The following ITFG2 variants were observed in gnomAD, a reference collection of about 807,000 sequenced individuals.
The protein encoded by ITFG2 is integrin alpha FG-GAP repeat containing 2.
Under a neutral mutation model 54.4 loss-of-function variants are expected in ITFG2, and 36 were observed. The observed-to-expected ratio is 0.66, with a 90% CI of 0.51 to 0.87. The LOEUF (loss-of-function observed/expected upper bound fraction) is 0.87. Ranked by LOEUF, ITFG2 falls within the 40% of genes least tolerant of loss-of-function variation. ITFG2 has a pLI of 0.00. For synonymous variants in ITFG2, 211 were observed against 225.4 expected, an observed-to-expected ratio of 0.94 and a Z score of 0.57; for missense variants, 524 against 576.7, an observed-to-expected ratio of 0.91 and a Z score of 0.94.
intron 1 of ITFG2, among the ~76,000 whole-genome samples, chr12:2,837,431 T>C (rs1407717791): frequency 6.6e-6 from 1 of 151,194 alleles, no homozygotes; most frequent in African/African-American, 2.4e-5. Context: ...TGAGCCGAGA[T>C]CACGCCACTG....
intron 2 of ITFG2, chr12:2,855,076 T>C: frequency 1.3e-6 from 2 of 1,535,816 alleles, no homozygotes; most frequent in Non-Finnish European, 1.7e-6. Context: ...CAGGAAGCTG[T>C]TTTGCCCCAT....
At chr12:2,820,299 G>A (rs945357390) in intron 5 of ITFG2, 74 bp downstream of exon 5, 16 of 1,477,276 alleles carry the variant, frequency 1.1e-5, no homozygotes, top group Non-Finnish European at 1.4e-5. Flanking sequence ...TAGTGGGAGA[G>A]CAGTCATGGG....
intron 2 of ITFG2, chr12:2,849,467 T>C (rs766999224): frequency 2.0e-6 from 3 of 1,536,158 alleles, no homozygotes; most frequent in South Asian, 2.4e-5. Flanking sequence ...GGAAACGGGT[T>C]GGGCATGAGC....
At chr12:2,857,437 AAAGGTCCC>A in intron 2 of ITFG2, 1 of 245,436 alleles carries the variant, frequency 4.1e-6, no homozygotes, top group Non-Finnish European at 8.2e-6. Context: ...CAGCAGGTCC[AAAGGTCCC>A]AAGGAACAAG....
chr12:2,830,956 C>A (rs559381599), downstream of ITFG2: 31 of 1,358,634 alleles, frequency 2.3e-5, no homozygotes, highest in Non-Finnish European at 2.8e-5. Context: ...ATGCTCCCCC[C>A]ACCCCCCCAG....
chr12:2,812,922 G>GA, intron 1 of ITFG2, 66 bp downstream of exon 1: 3 of 1,361,482 alleles, frequency 2.2e-6, no homozygotes, highest in African/African-American at 1.4e-5. Context: ...GGAAGTGGAA[G>GA]AGGCCGCCCG....
At chr12:2,817,844 T>C in intron 2 of ITFG2, 65 bp from the exon 3 acceptor site, 1 of 1,498,976 alleles carries the variant, frequency 6.7e-7, no homozygotes, top group African/African-American at 1.4e-5. Context: ...TCCTCCTGCT[T>C]CACAGAGATC....
downstream of ITFG2, chr12:2,827,174 G>C (rs144356765): frequency 2.0e-4 from 326 of 1,613,808 alleles, 4 homozygotes; most frequent in East Asian, 7.1e-3. This position sits in a 1 kb window ranked among gnomAD's most constrained non-coding sequence, Gnocchi z 4.0. Context: ...CTAAGGCAAG[G>C]TCTTTCCCTC....
Position 2,822,804 on chromosome 12 carries a change from A to G in ITFG2, c.959A>G (p.His320Arg). Residue 320 changes from histidine to arginine, a missense_variant, in exon 10 of 12, where the codon CAT (histidine) becomes CGT (arginine). Coordinates refer to ENST00000228799, the MANE Select transcript of ITFG2 (RefSeq NM_018463.4). Reference sequence around the variant, plus strand: ...TCTGTCCTTTTTCAGGGCAACGGGCATGAGGAGGTAGTTGCATGCGCCTGG... The same window carrying G: ...TCTGTCCTTTTTCAGGGCAACGGGCGTGAGGAGGTAGTTGCATGCGCCTGG... ...LEKLDVTGNG[H>R]EEVVACAWDG... is the part of the protein sequence containing the mutation. 1 of 1,613,890 alleles carries G rather than the reference A, an allele frequency of 6.2e-7. No homozygotes were observed. The highest frequency in any genetic ancestry group is 8.5e-7 in the Non-Finnish European group (1 of 1,179,820).
At chr12:2,854,837 G>T in intron 2 of ITFG2, 6 of 1,458,920 alleles carry the variant, frequency 4.1e-6, no homozygotes, top group South Asian at 1.4e-5. Context: ...ACCTGAGAGA[G>T]GGAGGGGTCA....
rs1357791152 is a variant in ITFG2 at position 2,845,303 on chromosome 12, C to G, written n.300+4308C>G. Among the ~76,000 whole-genome samples, 1 of 152,114 alleles carries G rather than the reference C, an allele frequency of 6.6e-6. No homozygotes were observed. Among genetic ancestry groups the G allele is most frequent in the African/African-American group, 2.4e-5 (1 of 41,414 alleles). On this transcript the variant is annotated intron_variant and non_coding_transcript_variant, in intron 2 of 3. Coordinates refer to the ITFG2 transcript ENST00000537710. This position sits in a 1 kb window ranked among gnomAD's most constrained non-coding sequence, Gnocchi z 4.2. ...GGCTCGAGTTTGTCATCTCAAGGAGCAGCTATGGGGCTTTTTGAGGCATGG... is the reference window on the plus strand; with the variant it reads ...GGCTCGAGTTTGTCATCTCAAGGAGGAGCTATGGGGCTTTTTGAGGCATGG...
chr12:2,817,191 A>G (rs1278668634), intron 1 of ITFG2, 32 bp from the exon 2 acceptor site: 2 of 1,478,614 alleles, frequency 1.4e-6, no homozygotes, highest in Admixed American at 1.7e-5. Context: ...GCAGAGTCCC[A>G]TCCTAACGCT....
At chr12:2,854,338 T>G (rs1435593599) in intron 2 of ITFG2, among the ~76,000 whole-genome samples, 1 of 152,210 alleles carries the variant, frequency 6.6e-6, no homozygotes, top group Non-Finnish European at 1.5e-5. Context: ...ACATCTAACT[T>G]TTGTTCAGTT....
At chr12:2,828,183 C>A (rs2097979287), downstream of ITFG2, 1 of 1,148,390 alleles carries the variant, frequency 8.7e-7, no homozygotes, top group African/African-American at 1.5e-5. Flanking sequence ...CTTGCCTTCT[C>A]TGCCAGAGTC....
chr12:2,825,641 A>C (rs190806616), downstream of ITFG2: 1 of 153,216 alleles, frequency 6.5e-6, no homozygotes, highest in East Asian at 1.9e-4. Flanking sequence ...GCCAGGTGTC[A>C]CAGGCAGCTC....
At chr12:2,821,869 A>G (rs2097946040) in intron 9 of ITFG2, 77 bp downstream of exon 9, 3 of 1,044,598 alleles carry the variant, frequency 2.9e-6, no homozygotes, top group Non-Finnish European at 4.3e-6. Context: ...TAATCAGGCT[A>G]TTCTCACATC....
At chr12:2,835,948 G>A (rs1265034414), upstream of ITFG2, among the ~76,000 whole-genome samples, 1 of 152,174 alleles carries the variant, frequency 6.6e-6, no homozygotes, top group African/African-American at 2.4e-5. Flanking sequence ...CATCCATACG[G>A]TATGCCCAGC....
intron 3 of ITFG2, chr12:2,859,228 T>C: frequency 6.2e-7 from 1 of 1,613,488 alleles, no homozygotes; most frequent in Non-Finnish European, 8.5e-7. Flanking sequence ...CAGCGGGAAG[T>C]ACTGGGCCCC....
chr12:2,820,324 GGGA>G (rs1246527813), intron 5 of ITFG2, 99 bp downstream of exon 5: 1 of 1,395,758 alleles, frequency 7.2e-7, no homozygotes, highest in Admixed American at 2.9e-5. Context: ...GGCCAGGGTG[GGGA>G]GAAGTGAAAA....
Sources: gnomAD v4.1 joint callset for allele counts (sites outside exome capture counted in the v4.1 genomes callset) on GRCh38, gnomAD v4.1.1 for gene constraint, Gnocchi (gnomAD v3.1) non-coding constraint, MANE v1.5 for transcripts, NCBI Gene and HGNC (gene_info 2026-07-23, HGNC 2026-07-21) for gene names.